SIPA1L1: variants seen among roughly 807,000 people sequenced by gnomAD.
SIPA1L1 encodes the protein signal-induced proliferation-associated 1-like protein 1.
Under a neutral mutation model 162.7 loss-of-function variants are expected in SIPA1L1, and 26 were observed. The ratio of observed to expected loss-of-function variants is 0.16; its 90% CI spans 0.12 to 0.22. The LOEUF is 0.22. Ranked by LOEUF, SIPA1L1 falls within the 10% of genes least tolerant of loss-of-function variation. The probability of loss-of-function intolerance (pLI) is 1.00; values close to 1 mark genes in which losing one functional copy is unlikely to be tolerated. For missense variants in SIPA1L1, 1,874 were observed against 2,241.0 expected (o/e 0.84, Z 3.31); for synonymous variants, 829 against 837.4 (o/e 0.99, Z 0.17).
chr14:71,674,603 C>T (rs1435230313), intron 12 of SIPA1L1, among the ~76,000 whole-genome samples: 6 of 140,474 alleles, frequency 4.3e-5, no homozygotes, highest in African/African-American at 8.2e-5. Context: ...CTCGCTCTGT[C>T]GCCCAGGCTG....
At chr14:71,731,786 G>A (rs2084809740) in intron 20 of SIPA1L1, among the ~76,000 whole-genome samples, 1 of 152,290 alleles carries the variant, frequency 6.6e-6, no homozygotes, top group Non-Finnish European at 1.5e-5. Context: ...GGAAAGGCAG[G>A]GACAGGCAGC....
chr14:71,491,742 G>T (rs1349153524), intron 2 of SIPA1L1, among the ~76,000 whole-genome samples: 2 of 133,958 alleles, frequency 1.5e-5, no homozygotes, highest in African/African-American at 5.7e-5. Flanking sequence ...CACCGTTTCA[G>T]GCTTAATGTT....
At chr14:71,324,778 T>G (rs536895688) in intron 2 of SIPA1L1, among the ~76,000 whole-genome samples, 1 of 152,342 alleles carries the variant, frequency 6.6e-6, no homozygotes, top group African/African-American at 2.4e-5. Context: ...CGGAAGAAAT[T>G]AGGTGTACCA....
At chr14:71,541,071 T>C (rs1455447629) in intron 4 of SIPA1L1, among the ~76,000 whole-genome samples, 1 of 152,050 alleles carries the variant, frequency 6.6e-6, no homozygotes, top group Non-Finnish European at 1.5e-5. Flanking sequence ...GAGGTTGCAG[T>C]GAGCCAAGAT....
intron 2 of SIPA1L1, among the ~76,000 whole-genome samples, chr14:71,443,107 T>A (rs1385755800): frequency 6.6e-6 from 1 of 152,220 alleles, no homozygotes. Flanking sequence ...ACAGTATTAG[T>A]TAGGGAGGTA....
chr14:71,585,296 C>T (rs1317372423), intron 4 of SIPA1L1, among the ~76,000 whole-genome samples: 2 of 152,066 alleles, frequency 1.3e-5, no homozygotes, highest in African/African-American at 4.8e-5. Flanking sequence ...AACGTGGCTT[C>T]TCTCTCTCCC....
At chr14:71,573,267 A>G (rs1364136567) in intron 4 of SIPA1L1, among the ~76,000 whole-genome samples, 2 of 152,256 alleles carry the variant, frequency 1.3e-5, no homozygotes, top group Non-Finnish European at 2.9e-5. Context: ...TCTTTGGACA[A>G]TTATTACAGA....
chr14:71,381,059 T>C (rs1204488135), intron 2 of SIPA1L1, among the ~76,000 whole-genome samples: 1 of 152,206 alleles, frequency 6.6e-6, no homozygotes, highest in Non-Finnish European at 1.5e-5. Context: ...TGACTTATTT[T>C]ATTTTATTTT....
In SIPA1L1 at chr14:71,709,282, G is replaced by T; in HGVS notation, c.3826G>T (p.Ala1276Ser). 1 of 1,614,188 alleles carries T rather than the reference G, an allele frequency of 6.2e-7. No homozygotes were observed. ...TACTCTCTCCAGCAATGCGTCAAGTGCCCATAGTGATGAGAAGTGGTACGA... is the reference window on the plus strand; with the variant it reads ...TACTCTCTCCAGCAATGCGTCAAGTTCCCATAGTGATGAGAAGTGGTACGA... Reference protein sequence around the residue: ...SNTLSSNASSAHSDEKWYDGD... With the variant: ...SNTLSSNASSSHSDEKWYDGD... Residue 1276 changes from alanine to serine, a missense_variant, in exon 17 of 24, where the codon GCC becomes TCC. Physicochemically the swap from Ala to Ser is moderately conservative, Grantham distance 99. Coordinates refer to ENST00000381232, the MANE Select transcript of SIPA1L1 (RefSeq NM_001386936.1).
chr14:71,723,348 G>A (rs989314753), intron 17 of SIPA1L1, among the ~76,000 whole-genome samples: 19 of 152,188 alleles, frequency 1.2e-4, no homozygotes, highest in African/African-American at 4.1e-4. Context: ...CCAGACTTCC[G>A]TGACAAACGT....
At chr14:71,341,268 A>T (rs991470785) in intron 2 of SIPA1L1, among the ~76,000 whole-genome samples, 1 of 152,256 alleles carries the variant, frequency 6.6e-6, no homozygotes, top group Non-Finnish European at 1.5e-5. Context: ...TAGTAAGAAC[A>T]TCTTCACGTT....
At chr14:71,344,999 A>G (rs575756452) in intron 2 of SIPA1L1, among the ~76,000 whole-genome samples, 2 of 152,274 alleles carry the variant, frequency 1.3e-5, no homozygotes, top group East Asian at 3.9e-4. Flanking sequence ...GCACAGGAAA[A>G]TTCCATCTCA....
intron 7 of SIPA1L1, among the ~76,000 whole-genome samples, chr14:71,628,132 T>G (rs562968114): frequency 3.3e-5 from 5 of 152,326 alleles, no homozygotes; most frequent in African/African-American, 1.2e-4. Flanking sequence ...AAAAAATAAA[T>G]AATTTAAAAA....
intron 2 of SIPA1L1, chr14:71,330,681 A>C: frequency 1.1e-6 from 1 of 876,276 alleles, no homozygotes; most frequent in Non-Finnish European, 2.0e-6. Flanking sequence ...TCTCATGAGG[A>C]GGAATCCATC....
intron 2 of SIPA1L1, among the ~76,000 whole-genome samples, chr14:71,472,637 G>T (rs1246484842): frequency 6.6e-6 from 1 of 151,844 alleles, no homozygotes; most frequent in Non-Finnish European, 1.5e-5. Flanking sequence ...ACATTACAAA[G>T]TTGGTTAATG....
chr14:71,598,520 C>T (rs1216488461), intron 5 of SIPA1L1, among the ~76,000 whole-genome samples: 2 of 152,222 alleles, frequency 1.3e-5, no homozygotes, highest in African/African-American at 4.8e-5. Flanking sequence ...TCACTTGAAA[C>T]TATCAGACAA....
chr14:71,530,535 G>T (rs556456073), intron 4 of SIPA1L1, among the ~76,000 whole-genome samples: 1 of 152,060 alleles, frequency 6.6e-6, no homozygotes, highest in African/African-American at 2.4e-5. Context: ...TGAAAAATTA[G>T]TAGGAATATT....
intron 2 of SIPA1L1, among the ~76,000 whole-genome samples, chr14:71,373,338 A>G (rs914134406): frequency 1.1e-4 from 16 of 148,828 alleles, no homozygotes; most frequent in African/African-American, 3.0e-4. Context: ...AGTTACCAGT[A>G]TTGGACGGGT....
At chr14:71,708,905 T>G (rs1038077354) in intron 16 of SIPA1L1, among the ~76,000 whole-genome samples, 3 of 152,210 alleles carry the variant, frequency 2.0e-5, no homozygotes, top group Admixed American at 2.0e-4. Flanking sequence ...TCCTTTCTCT[T>G]TTAAGATACT....
Sources: allele counts gnomAD v4.1 joint callset (sites outside exome capture counted in the v4.1 genomes callset), GRCh38; gene constraint gnomAD v4.1.1; transcripts MANE v1.5; gene names NCBI Gene and HGNC (gene_info 2026-07-23, HGNC 2026-07-21).